PDE11A: variants seen among roughly 807,000 people sequenced by gnomAD.
The protein encoded by PDE11A is dual 3',5'-cyclic-AMP and -GMP phosphodiesterase 11A.
A neutral mutation model predicts 100.5 loss-of-function variants in PDE11A; 100 were observed. The observed-to-expected ratio is 1.00, with a 90% CI of 0.85 to 1.18. The LOEUF (loss-of-function observed/expected upper bound fraction) is 1.18, where lower values mean the gene tolerates loss of function less well. Among genes scored for constraint, PDE11A ranks in the 50% most tolerant of loss-of-function variants. The pLI is 0.00. For synonymous variants in PDE11A, 381 were observed against 420.8 expected (o/e 0.91, Z 1.16); for missense variants, 1,141 against 1,152.6 (o/e 0.99, Z 0.15).
intron 2 of PDE11A, among the ~76,000 whole-genome samples, chr2:177,950,054 G>A (rs2085488088): frequency 6.6e-6 from 1 of 152,130 alleles, no homozygotes; most frequent in Non-Finnish European, 1.5e-5. Context: ...CGTGATCTAC[G>A]TGATTCAAAC....
At chr2:177,879,542 T>C (rs1372039568) in intron 4 of PDE11A, among the ~76,000 whole-genome samples, 3 of 152,348 alleles carry the variant, frequency 2.0e-5, no homozygotes, top group African/African-American at 7.2e-5. Context: ...GCTTGCTTTA[T>C]GGTAGGGAGC....
rs868238401 is a variant in PDE11A at position 177,944,846 on chromosome 2, C to T, written c.1072-39659G>A. ...CCTCTCCCTCTCCCTCTCCGTCTCCCTCTCCCTCTCCCCACGGTCTCCCTC... is the reference window on the plus strand; with the variant it reads ...CCTCTCCCTCTCCCTCTCCGTCTCCTTCTCCCTCTCCCCACGGTCTCCCTC... On this transcript the variant is annotated intron_variant, in intron 2 of 19. Transcript: ENST00000286063. Among the ~76,000 whole-genome samples, 4 of 134,006 alleles carry T rather than the reference C, an allele frequency of 3.0e-5. No homozygotes were observed. The South Asian group carries it at 1.0e-3, about 34-fold the overall frequency. The allele number at this position is 134,006 out of a possible 152,430, so 87.9% of individuals were successfully genotyped here. A position where few individuals can be genotyped will look rare whatever the true frequency, so the allele number is the denominator to read the frequency against.
chr2:177,795,969 A>ATATATATATC (rs1266754648), intron 9 of PDE11A, among the ~76,000 whole-genome samples: 2 of 119,678 alleles, frequency 1.7e-5, no homozygotes, highest in Non-Finnish European at 3.5e-5. Flanking sequence ...ATATATATAT[A>ATATATATATC]TATATATCTT....
rs2086086321 is a variant in PDE11A, at chr2:177,997,166, A to T, written c.1071+17136T>A. ...AGAATTTAAGTATATTAAGCTCATG[A>T]CTATGCTGAAGAATGCTGATGTCTT... On this transcript the variant is annotated intron_variant, in intron 2 of 19. Transcript: ENST00000286063. 7 of 1,128,262 alleles carry T rather than the reference A, an allele frequency of 6.2e-6. No homozygotes were observed. The Admixed American group carries it at 9.7e-5, about 16-fold the overall frequency. The allele number at this position is 1,128,262 out of a possible 1,614,324, so 69.9% of individuals were successfully genotyped here. A position where few individuals can be genotyped will look rare whatever the true frequency, so the allele number is the denominator to read the frequency against.
rs1426496874 is a variant in PDE11A, at chr2:177,628,150, C to T, written c.*1257G>A. Reference sequence around the variant, plus strand: ...GTAAGGTTAAAACATGTTCGAGAATCGTTTCCTAGTGTAATCTAATTTGAC... The same window carrying T: ...GTAAGGTTAAAACATGTTCGAGAATTGTTTCCTAGTGTAATCTAATTTGAC... On this transcript the variant is annotated 3_prime_UTR_variant, in exon 20 of 20. Coordinates refer to ENST00000286063, the MANE Select transcript of PDE11A (RefSeq NM_016953.4). 6.6e-6 allele frequency: 1 copy of T among 152,592 alleles called. No individual in the cohort carries two copies. Among genetic ancestry groups the T allele is most frequent in the Non-Finnish European group, 1.5e-5 (1 of 68,024 alleles). The allele number at this position is 152,592 out of a possible 1,614,324, so 9.5% of individuals were successfully genotyped here. A position where few individuals can be genotyped will look rare whatever the true frequency, so the allele number is the denominator to read the frequency against.
intron 2 of PDE11A, among the ~76,000 whole-genome samples, chr2:177,956,036 G>A (rs201786432): frequency 2.6e-5 from 4 of 151,890 alleles, no homozygotes; most frequent in South Asian, 2.1e-4. Flanking sequence ...AAAGCATGGC[G>A]ACAAAAGCCA....
At chr2:178,036,921 A>G (rs546100220) in intron 1 of PDE11A, among the ~76,000 whole-genome samples, 1 of 152,210 alleles carries the variant, frequency 6.6e-6, no homozygotes, top group Non-Finnish European at 1.5e-5. Context: ...TAAAAACCCT[A>G]GAAGAAAACC....
At chr2:177,683,294 G>A (rs6433690) in intron 15 of PDE11A, 132,558 of 152,406 alleles carry the variant, frequency 0.87, 57,702 homozygotes, top group African/African-American at 0.92. Flanking sequence ...ACAACCTTAC[G>A]GCAACTGGCG....
intron 5 of PDE11A, among the ~76,000 whole-genome samples, chr2:177,853,744 GTGTATATATATCTATATA>G (rs1260852012): frequency 0.011 from 560 of 49,246 alleles, 41 homozygotes; most frequent in African/African-American, 0.028. Flanking sequence ...ATCTATATGT[GTGTATATATATCTATATA>G]TGTATATATA....
intron 9 of PDE11A, among the ~76,000 whole-genome samples, chr2:177,779,707 C>A (rs2082425726): frequency 6.6e-6 from 1 of 152,164 alleles, no homozygotes; most frequent in Non-Finnish European, 1.5e-5. Context: ...CTTGCTATTT[C>A]CACCACATCT....
intron 5 of PDE11A, among the ~76,000 whole-genome samples, chr2:177,870,316 C>A (rs2084108343): frequency 6.6e-6 from 1 of 152,222 alleles, no homozygotes; most frequent in East Asian, 1.9e-4. Flanking sequence ...AATAACTTTT[C>A]ATTTCAATGC....
At chr2:177,966,246 G>A (rs2085695983) in intron 2 of PDE11A, among the ~76,000 whole-genome samples, 1 of 152,084 alleles carries the variant, frequency 6.6e-6, no homozygotes, top group Non-Finnish European at 1.5e-5. Context: ...CCAGATCTAG[G>A]AGCTTTGGGG....
At chr2:177,939,529 GAGGA>G (rs72249265) in intron 2 of PDE11A, among the ~76,000 whole-genome samples, 15,358 of 100,500 alleles carry the variant, frequency 0.15, 1,163 homozygotes, top group South Asian at 0.24. Context: ...GGGAGGGAGG[GAGGA>G]AGGAAGGAAG....
intron 1 of PDE11A, among the ~76,000 whole-genome samples, chr2:178,033,778 C>A (rs1016072395): frequency 6.6e-6 from 1 of 152,102 alleles, no homozygotes; most frequent in African/African-American, 2.4e-5. Context: ...GTTTTCAACC[C>A]AGAATTTCAT....
intron 1 of PDE11A, among the ~76,000 whole-genome samples, chr2:178,040,544 A>G (rs767935163): frequency 6.6e-6 from 1 of 152,190 alleles, no homozygotes; most frequent in Non-Finnish European, 1.5e-5. Context: ...CAGCACACAT[A>G]TTGTTTTGAA....
At chr2:177,899,406 A>G (rs1350584402) in intron 3 of PDE11A, 2 of 188,440 alleles carry the variant, frequency 1.1e-5, no homozygotes, top group East Asian at 3.4e-4. Context: ...GACTCTTTCT[A>G]AAAAACAAAC....
intron 19 of PDE11A, among the ~76,000 whole-genome samples, chr2:177,653,882 A>G (rs1486229580): frequency 6.6e-6 from 1 of 151,940 alleles, no homozygotes; most frequent in Non-Finnish European, 1.5e-5. Context: ...GCTGTTCCTA[A>G]CTCCTGAGCC....
intron 1 of PDE11A, among the ~76,000 whole-genome samples, chr2:178,068,574 G>GA (rs1018784548): frequency 6.6e-6 from 1 of 151,988 alleles, no homozygotes; most frequent in Non-Finnish European, 1.5e-5. Flanking sequence ...AGCTGAGCAA[G>GA]AAACACCTTA....
At chr2:177,945,149 T>G (rs1207492885) in intron 2 of PDE11A, among the ~76,000 whole-genome samples, 5 of 151,220 alleles carry the variant, frequency 3.3e-5, no homozygotes, top group Admixed American at 1.3e-4. Context: ...TGGAGTGCAG[T>G]GGCGTGGTCT....
Sources: gnomAD v4.1 joint callset for allele counts (sites outside exome capture counted in the v4.1 genomes callset) on GRCh38, gnomAD v4.1.1 for gene constraint, MANE v1.5 for transcripts, NCBI Gene and HGNC (gene_info 2026-07-23, HGNC 2026-07-21) for gene names.